The following GPR176 variants were observed in gnomAD, a reference collection of about 807,000 sequenced individuals.
GPR176 encodes G-protein coupled receptor 176.
A neutral mutation model predicts 35.4 loss-of-function variants in GPR176; 26 were observed. The observed-to-expected ratio is 0.74, with a 90% CI of 0.54 to 1.02. The LOEUF is 1.02. GPR176 is among the 50% of genes least tolerant of loss of function. The pLI, the probability that GPR176 is intolerant of heterozygous loss-of-function variation, is 0.00. For synonymous variants in GPR176, 278 were observed against 271.3 expected, an observed-to-expected ratio of 1.02 and a Z score of -0.24; for missense variants, 597 against 665.3, an observed-to-expected ratio of 0.90 and a Z score of 1.13.
rs145647744 is a variant in GPR176 at position 39,839,946 on chromosome 15, C to T, written c.173-32688G>A. 3.4e-3 allele frequency among the ~76,000 whole-genome samples: 514 copies of T among 152,328 alleles called. 17 individuals are homozygous for T. Among genetic ancestry groups the T allele is most frequent in the Admixed American group, 0.031 (479 of 15,304 alleles). On this transcript the variant is annotated intron_variant, in intron 1 of 2. Coordinates refer to ENST00000561100, the MANE Select transcript of GPR176 (RefSeq NM_007223.3). ...ACCACAATGAGATACTATCTCACTC[C>T]AGTTAGAATGGCGATCATTAAAAAG...
chr15:39,823,849 G>A (rs1010234818), intron 1 of GPR176, among the ~76,000 whole-genome samples: 12 of 152,154 alleles, frequency 7.9e-5, no homozygotes, highest in African/African-American at 2.4e-4. Context: ...GCTATCCTAC[G>A]GACAAGGGAG....
At chr15:39,812,044 TTC>T (rs1321537653) in intron 1 of GPR176, among the ~76,000 whole-genome samples, 5 of 152,264 alleles carry the variant, frequency 3.3e-5, no homozygotes, top group Non-Finnish European at 5.9e-5. Flanking sequence ...TTATTTATAC[TTC>T]TTTTACTTTT....
chr15:39,838,663 G>A (rs951045436), intron 1 of GPR176, among the ~76,000 whole-genome samples: 10 of 152,078 alleles, frequency 6.6e-5, no homozygotes, highest in Non-Finnish European at 1.5e-5. Context: ...GAATAAACTA[G>A]GTATTGATGG....
In GPR176 at chr15:39,909,360, C is replaced by T. The variant is rs956317851; in HGVS notation, c.172+10495G>A. On this transcript the variant is annotated intron_variant, in intron 1 of 2. Coordinates refer to ENST00000561100, the MANE Select transcript of GPR176 (RefSeq NM_007223.3). ...ATGGTTTCTGCTCGAACAGTGAAAT[C>T]ACTGTACGTATTTCTTGACTGCGTC... 5.9e-4 allele frequency among the ~76,000 whole-genome samples: 90 copies of T among 152,318 alleles called. 1 individual carries two copies. Among genetic ancestry groups the T allele is most frequent in the African/African-American group, 2.0e-3 (83 of 41,578 alleles).
intron 1 of GPR176, among the ~76,000 whole-genome samples, chr15:39,830,409 A>T (rs1390171577): frequency 1.3e-5 from 2 of 152,190 alleles, no homozygotes; most frequent in South Asian, 2.1e-4. Context: ...GGAGGACCCA[A>T]TGGGCTGGAG....
intron 1 of GPR176, among the ~76,000 whole-genome samples, chr15:39,905,583 C>A (rs1372718284): frequency 6.6e-6 from 1 of 151,974 alleles, no homozygotes; most frequent in Admixed American, 6.6e-5. Context: ...GACAGTAAGA[C>A]CCTGTGTCAG....
At chr15:39,808,963 A>C (rs1457937864) in intron 1 of GPR176, among the ~76,000 whole-genome samples, 1 of 152,196 alleles carries the variant, frequency 6.6e-6, no homozygotes, top group Non-Finnish European at 1.5e-5. Flanking sequence ...CCCAGACTAC[A>C]GTTTCTTTTA....
intron 1 of GPR176, among the ~76,000 whole-genome samples, chr15:39,882,707 A>G (rs1269050293): frequency 6.6e-6 from 1 of 152,248 alleles, no homozygotes; most frequent in East Asian, 1.9e-4. Flanking sequence ...GTGGTGTTGT[A>G]GAAAATAGTT....
In GPR176 at chr15:39,916,848, T is replaced by G. The variant is rs59793078; in HGVS notation, c.172+3007A>C. On this transcript the variant is annotated intron_variant, in intron 1 of 2. Transcript: ENST00000561100. The stretch of plus-strand genomic sequence containing the variant: ...TATTTGGAGGCTTTATGAAATGTGC[T>G]TCCCAAGTTTTCTTGCCTTGCTTCT... Among the ~76,000 whole-genome samples the G allele has an allele frequency of 6.5e-3, 990 of 152,356 alleles. 14 individuals carry two copies. The highest frequency in any genetic ancestry group is 0.022 in the African/African-American group (920 of 41,576).
intron 1 of GPR176, among the ~76,000 whole-genome samples, chr15:39,810,086 A>G (rs1238163365): frequency 1.3e-5 from 2 of 150,818 alleles, no homozygotes; most frequent in African/African-American, 2.4e-5. Context: ...CGGAGCTTGC[A>G]GTGAGCTGAG....
intron 1 of GPR176, among the ~76,000 whole-genome samples, chr15:39,903,276 TG>T (rs1180326770): frequency 2.0e-5 from 3 of 152,212 alleles, no homozygotes; most frequent in African/African-American, 7.2e-5. Context: ...ACAAATTATT[TG>T]GAACTTTGTT....
In GPR176 at chr15:39,829,651, G is replaced by C. The variant is rs114641306; in HGVS notation, c.173-22393C>G. 7.1e-3 allele frequency among the ~76,000 whole-genome samples: 1,071 copies of C among 151,912 alleles called. 13 individuals carry two copies. The highest frequency in any genetic ancestry group is 0.025 in the African/African-American group (1,018 of 41,426). On this transcript the variant is annotated intron_variant, in intron 1 of 2. Transcript: ENST00000561100. ...TGGTATTGTTCCCACCCACCTGAAC[G>C]CCTGGTTATCTGTCTTTACAGTTCC...
chr15:39,903,299 C>T (rs1385428539), intron 1 of GPR176, among the ~76,000 whole-genome samples: 1 of 152,082 alleles, frequency 6.6e-6, no homozygotes, highest in Non-Finnish European at 1.5e-5. Flanking sequence ...GGAGAAGGCA[C>T]GATGACCTGA....
chr15:39,834,262 C>A (rs1375389616), intron 1 of GPR176, among the ~76,000 whole-genome samples: 1 of 152,054 alleles, frequency 6.6e-6, no homozygotes, highest in Non-Finnish European at 1.5e-5. Context: ...CACTGATTGA[C>A]AAAAGCTATA....
At chr15:39,826,773 G>C (rs1287472635) in intron 1 of GPR176, among the ~76,000 whole-genome samples, 1 of 152,058 alleles carries the variant, frequency 6.6e-6, no homozygotes, top group Non-Finnish European at 1.5e-5. Context: ...AGCCAGAGGG[G>C]GCCTGAAAAC....
At chr15:39,881,513 T>C (rs994911768) in intron 1 of GPR176, among the ~76,000 whole-genome samples, 2 of 152,222 alleles carry the variant, frequency 1.3e-5, no homozygotes, top group Non-Finnish European at 2.9e-5. Flanking sequence ...TACACTTGAA[T>C]GCAAAACTGA....
chr15:39,822,585 T>G (rs1900349215), intron 1 of GPR176, among the ~76,000 whole-genome samples: 1 of 152,244 alleles, frequency 6.6e-6, no homozygotes, highest in Non-Finnish European at 1.5e-5. Context: ...GTTTTCTCAG[T>G]GTCAGATTTT....
intron 1 of GPR176, among the ~76,000 whole-genome samples, chr15:39,893,959 C>T (rs1446299713): frequency 8.4e-6 from 1 of 118,636 alleles, no homozygotes; most frequent in African/African-American, 3.4e-5. Context: ...GGGCGGGGGG[C>T]TGACCCCCCC....
chr15:39,881,664 C>T (rs2032480099), intron 1 of GPR176, among the ~76,000 whole-genome samples: 1 of 152,174 alleles, frequency 6.6e-6, no homozygotes, highest in South Asian at 2.1e-4. Flanking sequence ...ATGAAATTTA[C>T]ATTTCTCACT....
Sources: allele counts gnomAD v4.1 joint callset (sites outside exome capture counted in the v4.1 genomes callset), GRCh38; gene constraint gnomAD v4.1.1; transcripts MANE v1.5; gene names NCBI Gene and HGNC (gene_info 2026-07-23, HGNC 2026-07-21).